Variants in BTBD3 observed in about 807,000 individuals in gnomAD.
The protein encoded by BTBD3 is BTB domain containing 3.
A neutral mutation model predicts 41.6 loss-of-function variants in BTBD3; 14 were observed. The ratio of observed to expected loss-of-function variants is 0.34; its 90% CI spans 0.22 to 0.53. BTBD3 has a LOEUF of 0.53. Ranked by LOEUF, BTBD3 falls within the 20% of genes least tolerant of loss-of-function variation. The pLI is 0.95. For missense variants in BTBD3, 426 were observed against 654.7 expected, an observed-to-expected ratio of 0.65 and a Z score of 3.81; for synonymous variants, 249 against 233.7, an observed-to-expected ratio of 1.07 and a Z score of -0.60.
chr20:11,917,563 A>G (rs185466471), upstream of BTBD3, among the ~76,000 whole-genome samples: 23 of 152,356 alleles, frequency 1.5e-4, no homozygotes, highest in Admixed American at 1.4e-3. Context: ...AAAAGATTTT[A>G]GTAGAAATAT....
chr20:11,923,844 C>G lies in BTBD3; in HGVS notation c.*178C>G. 1.6e-6 allele frequency: 1 copy of G among 611,876 alleles called. No homozygotes were observed. The highest frequency in any genetic ancestry group is 2.8e-6 in the Non-Finnish European group (1 of 359,922). 37.9% of individuals were successfully genotyped at this position (611,876 alleles called of 1,614,324 possible). ...ATGTACAGGCAAAAATGCAGCATTC[C>G]GCTTTTAACTATCTGCTTAAAAGAG... On this transcript the variant is annotated 3_prime_UTR_variant, in exon 4 of 4. Coordinates refer to ENST00000378226, the MANE Select transcript of BTBD3 (RefSeq NM_014962.4). The surrounding 1 kb of genome is among the most constrained non-coding windows in gnomAD (Gnocchi z 5.3).
At chr20:11,891,480 C>T (rs1298499448) in intron 1 of BTBD3, 1 of 152,062 alleles carries the variant, frequency 6.6e-6, no homozygotes, top group Non-Finnish European at 1.5e-5. Flanking sequence ...GGCGGGGACT[C>T]CGGGGACCGA....
chr20:11,895,029 C>T (rs977570637), intron 1 of BTBD3, among the ~76,000 whole-genome samples: 2 of 152,124 alleles, frequency 1.3e-5, no homozygotes, highest in African/African-American at 4.8e-5. Flanking sequence ...GGATATGAAG[C>T]GCTCCTATAC....
At chr20:11,891,088 C>CA in intron 1 of BTBD3, 1 of 608,126 alleles carries the variant, frequency 1.6e-6, no homozygotes, top group Non-Finnish European at 2.1e-6. Flanking sequence ...GGCTGGTGGC[C>CA]GCAGGTCGGC....
intron 1 of BTBD3, among the ~76,000 whole-genome samples, chr20:11,902,028 C>T (rs559319665): frequency 6.6e-6 from 1 of 152,106 alleles, no homozygotes; most frequent in Non-Finnish European, 1.5e-5. Flanking sequence ...TAAAGAGGCA[C>T]TGATGCCTGC....
At position 11,923,523 on chromosome 20, in the gene BTBD3, A is replaced by G. The variant is rs771205415; in HGVS notation, c.1426A>G (p.Asn476Asp). Reference protein sequence around the residue: ...FYTASVILDGNELSYFGQEGM... With the variant: ...FYTASVILDGDELSYFGQEGM... Reference sequence around the variant, plus strand: ...CACAGCCAGTGTGATACTGGATGGCAATGAACTCAGCTACTTTGGACAAGA... The same window carrying G: ...CACAGCCAGTGTGATACTGGATGGCGATGAACTCAGCTACTTTGGACAAGA... The change falls in exon 4 of 4, where the codon AAT becomes GAT. Residue 476 changes from asparagine (N) to aspartate (D), a missense_variant. Asn to Asp is a conservative substitution (Grantham distance 23). Transcript: ENST00000378226. This position sits in a 1 kb window ranked among gnomAD's most constrained non-coding sequence, Gnocchi z 5.3. The G allele has an allele frequency of 4.3e-6, 7 of 1,614,222 alleles. No homozygotes were observed. The highest frequency in any genetic ancestry group is 1.7e-5 in the Admixed American group (1 of 60,024).
chr20:11,905,568 C>G (rs1202198800), intron 1 of BTBD3, among the ~76,000 whole-genome samples: 1 of 152,120 alleles, frequency 6.6e-6, no homozygotes, highest in Non-Finnish European at 1.5e-5. Context: ...GCCGTTTTAC[C>G]GCTATGCGTA....
chr20:11,917,686 A>T (rs550507226), upstream of BTBD3: 1 of 81,560 alleles, frequency 1.2e-5, no homozygotes, highest in African/African-American at 4.1e-5. Flanking sequence ...TGTCAAATAT[A>T]TTTCATATGT....
chr20:11,915,258 C>G (rs1295530280), upstream of BTBD3, among the ~76,000 whole-genome samples: 3 of 152,130 alleles, frequency 2.0e-5, no homozygotes, highest in Admixed American at 6.5e-5. Flanking sequence ...ATATCTTGGT[C>G]CCTCTCAGTT....
intron 1 of BTBD3, among the ~76,000 whole-genome samples, chr20:11,900,288 C>T (rs569545155): frequency 6.6e-6 from 1 of 152,278 alleles, no homozygotes; most frequent in African/African-American, 2.4e-5. Context: ...CCTAAATATT[C>T]AGTACTATTG....
At chr20:11,908,163 A>G (rs905848415) in intron 1 of BTBD3, among the ~76,000 whole-genome samples, 2 of 152,134 alleles carry the variant, frequency 1.3e-5, no homozygotes, top group Non-Finnish European at 2.9e-5. Flanking sequence ...CGCAGATGAC[A>G]AGTAAAATCC....
At position 11,908,321 on chromosome 20, in the gene BTBD3, G is replaced by GTTTTTTTTTTTTTTTT. The variant is rs3834758; in HGVS notation, c.-125-10010_-125-9995dup. On this transcript the variant is annotated intron_variant, in intron 1 of 4. Transcript: ENST00000254977. ...ATGGTGGAGTGGTTGCTTCTCTGTG[G>GTTTTTTTTTTTTTTTT]TTTTTTTTTTTTTTTTTTAAATAAG... Among the ~76,000 whole-genome samples the GTTTTTTTTTTTTTTTT allele has an allele frequency of 6.5e-5, 5 of 77,070 alleles. 1 individual carries two copies. The highest frequency in any genetic ancestry group is 1.5e-4 in the African/African-American group (3 of 20,610). The allele number at this position is 77,070 out of a possible 152,430, so 50.6% of individuals were successfully genotyped here.
intron 1 of BTBD3, among the ~76,000 whole-genome samples, chr20:11,898,194 C>T (rs1014207450): frequency 2.0e-5 from 3 of 151,936 alleles, no homozygotes; most frequent in Admixed American, 1.3e-4. Flanking sequence ...TTAAAAAGCC[C>T]TACATGATCT....
chr20:11,897,195 G>C (rs114411565), intron 1 of BTBD3, among the ~76,000 whole-genome samples: 207 of 152,150 alleles, frequency 1.4e-3, no homozygotes, highest in Middle Eastern at 0.01. Context: ...AATAGTCACA[G>C]GGCTTTAATA....
rs541378456 is a variant in BTBD3, at chr20:11,924,412, A to G, written c.*746A>G. 1 of 152,394 alleles carries G rather than the reference A, an allele frequency of 6.6e-6. No homozygotes were observed. The highest frequency in any genetic ancestry group is 2.1e-4 in the South Asian group (1 of 4,828). The allele number at this position is 152,394 out of a possible 1,614,324, so 9.4% of individuals were successfully genotyped here. Reference sequence around the variant, plus strand: ...ATTTTTAGATTTTATTGTCAGTAGAAAAAAGTTAAACTCCTACTAATTTAA... The same window carrying G: ...ATTTTTAGATTTTATTGTCAGTAGAGAAAAGTTAAACTCCTACTAATTTAA... On this transcript the variant is annotated 3_prime_UTR_variant, in exon 4 of 4. Transcript: ENST00000378226.
At chr20:11,897,504 A>C (rs1289140203) in intron 1 of BTBD3, among the ~76,000 whole-genome samples, 2 of 150,960 alleles carry the variant, frequency 1.3e-5, no homozygotes, top group Non-Finnish European at 3.0e-5. Context: ...AAAAAAAAAA[A>C]AAAAAGAACA....
rs1298589526 is a variant in BTBD3, at chr20:11,926,058, T to G, written c.*2392T>G. The G allele has an allele frequency of 6.6e-6, 1 of 152,332 alleles. No individual in the cohort carries two copies. Among genetic ancestry groups the G allele is most frequent in the African/African-American group, 2.4e-5 (1 of 41,460 alleles). The allele number at this position is 152,332 out of a possible 1,614,324, so 9.4% of individuals were successfully genotyped here. A position where few individuals can be genotyped will look rare whatever the true frequency, so the allele number is the denominator to read the frequency against. Reference sequence around the variant, plus strand: ...TGTCCTTTATGCATTTTCAATGAAATGGAATGAAGGCTAATATGCTTGCTT... The same window carrying G: ...TGTCCTTTATGCATTTTCAATGAAAGGGAATGAAGGCTAATATGCTTGCTT... On this transcript the variant is annotated 3_prime_UTR_variant, in exon 4 of 4. Transcript: ENST00000378226.
At chr20:11,916,400 G>A (rs1243212444), upstream of BTBD3, among the ~76,000 whole-genome samples, 1 of 152,188 alleles carries the variant, frequency 6.6e-6, no homozygotes, top group African/African-American at 2.4e-5. Flanking sequence ...GTATGAAGAT[G>A]ATTTGGAGGT....
At chr20:11,890,992 C>T in intron 1 of BTBD3, 6 of 981,174 alleles carry the variant, frequency 6.1e-6, no homozygotes, top group Non-Finnish European at 7.2e-6. Context: ...GTCGGCGCCT[C>T]CGCGCGTGCG....
Sources: allele counts gnomAD v4.1 joint callset (sites outside exome capture counted in the v4.1 genomes callset), GRCh38; gene constraint gnomAD v4.1.1; non-coding constraint Gnocchi (gnomAD v3.1); transcripts MANE v1.5; gene names NCBI Gene and HGNC (gene_info 2026-07-23, HGNC 2026-07-21).